AKT3: variants seen among roughly 807,000 people sequenced by gnomAD.
AKT3 encodes RAC-gamma serine/threonine-protein kinase.
AKT3 carries 15 observed loss-of-function variants against 65.3 expected under a neutral mutation model. That is an observed-to-expected ratio of 0.23 (90% CI 0.15 to 0.35). The LOEUF (loss-of-function observed/expected upper bound fraction) is 0.35. Ranked by LOEUF, AKT3 falls within the 10% of genes least tolerant of loss-of-function variation. AKT3 has a pLI of 1.00. For missense variants in AKT3, 243 were observed against 576.5 expected, an observed-to-expected ratio of 0.42 and a Z score of 5.92; for synonymous variants, 206 against 183.8, an observed-to-expected ratio of 1.12 and a Z score of -0.98.
At chr1:243,584,011 T>C (rs186836174) in intron 8 of AKT3, among the ~76,000 whole-genome samples, 1 of 151,880 alleles carries the variant, frequency 6.6e-6, no homozygotes, top group Non-Finnish European at 1.5e-5. Context: ...AAAATCCACA[T>C]AATGAAATGA....
intron 2 of AKT3, among the ~76,000 whole-genome samples, chr1:243,724,445 A>G: frequency 6.6e-6 from 1 of 152,202 alleles, no homozygotes; most frequent in East Asian, 1.9e-4. Flanking sequence ...TAAGGAATTT[A>G]GTTTTCAAAA....
intron 12 of AKT3, among the ~76,000 whole-genome samples, chr1:243,540,075 G>C (rs1326846142): frequency 6.6e-6 from 1 of 152,094 alleles, no homozygotes; most frequent in Non-Finnish European, 1.5e-5. Context: ...GAGAAAGGAG[G>C]AGTACTTCCC....
chr1:243,792,807 A>G lies in AKT3; in HGVS notation c.46+50318T>C, dbSNP rs116325608. ...GTTTCGTAGCTAGAACTATTTTCCAATAATAAAGCCAAACATCAGCTATCA... is the reference window on the plus strand; with the variant it reads ...GTTTCGTAGCTAGAACTATTTTCCAGTAATAAAGCCAAACATCAGCTATCA... On this transcript the variant is annotated intron_variant, in intron 2 of 13. Coordinates refer to ENST00000673466, the MANE Select transcript of AKT3 (RefSeq NM_005465.7). Among the ~76,000 whole-genome samples the G allele has an allele frequency of 2.8e-3, 421 of 152,334 alleles. 5 individuals are homozygous for G. Among genetic ancestry groups the G allele is most frequent in the African/African-American group, 9.5e-3 (393 of 41,574 alleles).
intron 5 of AKT3, among the ~76,000 whole-genome samples, chr1:243,638,200 A>G (rs560363158): frequency 1.3e-5 from 2 of 152,284 alleles, no homozygotes; most frequent in South Asian, 2.1e-4. Flanking sequence ...AAATCCAAGA[A>G]AGAGAGAGAT....
chr1:243,557,454 T>C (rs1476771184), intron 10 of AKT3, among the ~76,000 whole-genome samples: 1 of 152,008 alleles, frequency 6.6e-6, no homozygotes, highest in African/African-American at 2.4e-5. Context: ...GGGCGAAAAA[T>C]AGCTACTTTA....
intron 2 of AKT3, among the ~76,000 whole-genome samples, chr1:243,708,307 T>A (rs1685933726): frequency 6.6e-6 from 1 of 151,982 alleles, no homozygotes. Context: ...ATAAATAATT[T>A]TGAGTACTCC....
chr1:243,499,875 C>A lies in AKT3; in HGVS notation c.*5374G>T. On this transcript the variant is annotated 3_prime_UTR_variant, in exon 14 of 14. Transcript: ENST00000673466. ...TTAATATGCCACAACGCACCACGAC[C>A]TTCCCAGGGTGACACCGCCTCAGCC... 1 of 1,289,328 alleles carries A rather than the reference C, an allele frequency of 7.8e-7. No individual in the cohort carries two copies. The allele number at this position is 1,289,328 out of a possible 1,614,324, so 79.9% of individuals were successfully genotyped here.
rs111947350 is a variant in AKT3 at position 243,833,266 on chromosome 1, C to A, written c.46+9859G>T. 1.7e-3 allele frequency among the ~76,000 whole-genome samples: 255 copies of A among 151,644 alleles called. 1 individual carries two copies. The highest frequency in any genetic ancestry group is 2.4e-3 in the Non-Finnish European group (164 of 67,832). ...GACTCCATATCAAAAAACAAACAAA[C>A]AAAAAAAACCTGCCAGAGACTGGGT... On this transcript the variant is annotated intron_variant, in intron 2 of 13. Coordinates refer to ENST00000673466, the MANE Select transcript of AKT3 (RefSeq NM_005465.7).
intron 2 of AKT3, among the ~76,000 whole-genome samples, chr1:243,750,370 T>C (rs1285045012): frequency 6.7e-6 from 1 of 149,624 alleles, no homozygotes; most frequent in Non-Finnish European, 1.5e-5. Context: ...TATGCCTCCT[T>C]CTCCCACCTT....
intron 3 of AKT3, among the ~76,000 whole-genome samples, chr1:243,672,791 T>C (rs1168748902): frequency 6.6e-6 from 1 of 152,194 alleles, no homozygotes; most frequent in Non-Finnish European, 1.5e-5. Flanking sequence ...ACAGAGCCAA[T>C]ATTTTCCCCA....
intron 3 of AKT3, among the ~76,000 whole-genome samples, chr1:243,670,093 A>G (rs1572141823): frequency 6.6e-6 from 1 of 152,352 alleles, no homozygotes; most frequent in East Asian, 1.9e-4. Context: ...CATTTATGCT[A>G]TAAAGGGTTT....
chr1:243,513,492 T>C (rs1670149901), intron 12 of AKT3, among the ~76,000 whole-genome samples: 1 of 152,184 alleles, frequency 6.6e-6, no homozygotes, highest in African/African-American at 2.4e-5. Context: ...TTTCCCACTC[T>C]TTCTGTCACC....
intron 13 of AKT3, among the ~76,000 whole-genome samples, chr1:243,509,182 T>TA (rs1669866280): frequency 6.6e-6 from 1 of 152,106 alleles, no homozygotes; most frequent in South Asian, 2.1e-4. Flanking sequence ...CTGTCAGTGG[T>TA]AAAATATGAC....
rs1418826720 is a variant in AKT3 at position 243,724,633 on chromosome 1, C to CA, written c.47-28918dup. Among the ~76,000 whole-genome samples, 9 of 152,222 alleles carry CA rather than the reference C, an allele frequency of 5.9e-5. No homozygotes were observed. In the East Asian group the frequency reaches 9.7e-4, roughly 16 times the overall value. ...ATCCATCTTCTGGGATCCAGACCCACAAGTTCTAATTTCATTTTCTGGAAA... is the reference window on the plus strand; with the variant it reads ...ATCCATCTTCTGGGATCCAGACCCACAAAGTTCTAATTTCATTTTCTGGAAA... On this transcript the variant is annotated intron_variant, in intron 2 of 13. Coordinates refer to ENST00000673466, the MANE Select transcript of AKT3 (RefSeq NM_005465.7).
intron 8 of AKT3, among the ~76,000 whole-genome samples, chr1:243,596,207 C>G (rs926484041): frequency 6.6e-6 from 1 of 151,850 alleles, no homozygotes; most frequent in African/African-American, 2.4e-5. Context: ...TTGGACAGTA[C>G]ACAAAAAAAG....
intron 1 of AKT3, among the ~76,000 whole-genome samples, chr1:243,849,659 G>A (rs990111303): frequency 6.6e-6 from 1 of 151,772 alleles, no homozygotes; most frequent in African/African-American, 2.4e-5. Context: ...GGCGGGGAGG[G>A]GCGAGGGGAA....
At chr1:243,694,621 T>C (rs1684939972) in intron 3 of AKT3, among the ~76,000 whole-genome samples, 1 of 151,850 alleles carries the variant, frequency 6.6e-6, no homozygotes, top group Non-Finnish European at 1.5e-5. Flanking sequence ...TTAAAAAAAA[T>C]ACAGTAGCCA....
At chr1:243,680,782 T>C (rs566067938) in intron 3 of AKT3, among the ~76,000 whole-genome samples, 1 of 152,304 alleles carries the variant, frequency 6.6e-6, no homozygotes, top group Non-Finnish European at 1.5e-5. Context: ...ATGGCTTCTA[T>C]GACTTAGTTG....
At chr1:243,599,251 A>T (rs1274954606) in intron 8 of AKT3, among the ~76,000 whole-genome samples, 1 of 152,242 alleles carries the variant, frequency 6.6e-6, no homozygotes, top group Admixed American at 6.5e-5. Context: ...TGCAAAAGGA[A>T]AATGTAATAG....
Sources: gnomAD v4.1 joint callset for allele counts (sites outside exome capture counted in the v4.1 genomes callset) on GRCh38, gnomAD v4.1.1 for gene constraint, MANE v1.5 for transcripts, NCBI Gene and HGNC (gene_info 2026-07-23, HGNC 2026-07-21) for gene names.